Variants in PGGHG observed in about 807,000 individuals in gnomAD.
The protein encoded by PGGHG is protein-glucosylgalactosylhydroxylysine glucosidase.
A neutral mutation model predicts 74.5 loss-of-function variants in PGGHG; 67 were observed. That is an observed-to-expected ratio of 0.90 (90% confidence interval 0.74 to 1.10). The LOEUF is 1.10. Ranked by LOEUF, PGGHG falls within the 50% of genes least tolerant of loss-of-function variation. The pLI, the probability that PGGHG is intolerant of heterozygous loss-of-function variation, is 0.00. For missense variants in PGGHG, 1,034 were observed against 981.5 expected (o/e 1.05, Z -0.72); for synonymous variants, 496 against 419.9 (o/e 1.18, Z -2.21).
chr11:290,895 G>A lies in PGGHG; in HGVS notation c.688G>A (p.Ala230Thr). 1 of 1,611,898 alleles carries A rather than the reference G, an allele frequency of 6.2e-7. No homozygotes were observed. The highest frequency in any genetic ancestry group is 1.1e-5 in the South Asian group (1 of 90,936). The change falls in exon 4 of 14, where the codon GCT becomes ACT. Residue 230 changes from alanine to threonine, a missense_variant. Coordinates refer to ENST00000409548, the MANE Select transcript of PGGHG (RefSeq NM_025092.5). Reference protein sequence around the residue: ...QLQARGALYTAHAQAWAQLWV... With the variant: ...QLQARGALYTTHAQAWAQLWV... ...GCAGGCCAGGGGAGCTCTGTATACG[G>A]CTCACGCACAGGCCTGGGCCCAGCT...
At chr11:290,293 G>A (rs747219726) in intron 2 of PGGHG, 97 bp from the exon 3 acceptor site, 183 of 1,400,350 alleles carry the variant, frequency 1.3e-4, no homozygotes, top group Non-Finnish European at 1.6e-4. Context: ...AGAGGGATCC[G>A]CCTCATTGTG....
Position 294,738 on chromosome 11 carries a change from G to T in PGGHG, c.2203G>T (p.Ala735Ser). 3 of 1,597,804 alleles carry T rather than the reference G, an allele frequency of 1.9e-6. No individual in the cohort carries two copies. The highest frequency in any genetic ancestry group is 2.6e-6 in the Non-Finnish European group (3 of 1,170,786). Residue 735 changes from alanine to serine, a missense_variant, in exon 14 of 14, where the codon GCC becomes TCC. Coordinates refer to ENST00000409548, the MANE Select transcript of PGGHG (RefSeq NM_025092.5). ...SPTESLTVDP[A>S]SE ...CACCGAGTCACTCACTGTGGACCCT[G>T]CCTCTGAATAATCAGGAACGGTGGC...
Position 291,098 on chromosome 11 carries a change from C to A in PGGHG, c.891C>A (p.His297Gln). 1 of 1,585,498 alleles carries A rather than the reference C, an allele frequency of 6.3e-7. No homozygotes were observed. The highest frequency in any genetic ancestry group is 8.6e-7 in the Non-Finnish European group (1 of 1,162,600). ...NGSREECYWG[H>Q]VFWDQDLWMF... ...GCCGTGAGGAATGCTACTGGGGCCACGTCTTCTGGGACCAGGTGAGCACTG... is the reference window on the plus strand; with the variant it reads ...GCCGTGAGGAATGCTACTGGGGCCAAGTCTTCTGGGACCAGGTGAGCACTG... The change falls in exon 4 of 14, where the codon CAC becomes CAA. Residue 297 changes from histidine to glutamine, a missense_variant. By Grantham distance (24) the His-to-Gln change is conservative. Coordinates refer to ENST00000409548, the MANE Select transcript of PGGHG (RefSeq NM_025092.5).
Position 291,506 on chromosome 11 carries a change from C to T in PGGHG, c.906+393C>T, listed in dbSNP as rs537580833. On this transcript the variant is annotated intron_variant, in intron 4 of 13. Transcript: ENST00000409548. ...AAGGCCTGTGGGGCTGCGTGGAGCC[C>T]GGTACTGGAGGCCGACGGGGGTGAC... The T allele has an allele frequency of 1.9e-3, 487 of 262,308 alleles. 2 individuals carry two copies. The highest frequency in any genetic ancestry group is 7.4e-3 in the African/African-American group (331 of 44,842). The allele number at this position is 262,308 out of a possible 1,614,324, so 16.2% of individuals were successfully genotyped here.
intron 6 of PGGHG, 35 bp from the exon 7 acceptor site, chr11:292,851 G>C: frequency 3.1e-6 from 5 of 1,613,266 alleles, no homozygotes; most frequent in Non-Finnish European, 4.2e-6. Flanking sequence ...AGAGTGACTG[G>C]GGCCCTGGCC....
chr11:292,742 T>A, intron 6 of PGGHG, 65 bp downstream of exon 6: 6 of 1,610,070 alleles, frequency 3.7e-6, no homozygotes, highest in Non-Finnish European at 5.1e-6. Context: ...CCCCCACTCC[T>A]CGTGGCTTCC....
chr11:293,628 G>T lies in PGGHG; in HGVS notation c.1515G>T (p.Leu505=), dbSNP rs567677129. 3 of 1,613,594 alleles carry T rather than the reference G, an allele frequency of 1.9e-6. No individual in the cohort carries two copies. In the South Asian group the frequency reaches 3.3e-5, roughly 18 times the overall value. ...TGAAGCAGGCAGACGTCGTGCTCCT[G>T]GGATACCCAGTCCCCTTCTCCCTGA... ...EVVKQADVVL[L]GYPVPFSLSP... The change falls in exon 10 of 14, where the codon CTG becomes CTT. Residue 505 remains leucine, a synonymous_variant. Coordinates refer to ENST00000409548, the MANE Select transcript of PGGHG (RefSeq NM_025092.5).
chr11:294,236 C>A, intron 12 of PGGHG, 31 bp from the exon 13 acceptor site: 1 of 1,593,166 alleles, frequency 6.3e-7, no homozygotes, highest in South Asian at 1.1e-5. Context: ...CATGCCCCCA[C>A]CTGCCACCTC....
Position 293,674 on chromosome 11 carries a change from A to T in PGGHG, c.1561A>T (p.Asn521Tyr). ...CCTGAGTCCTGATGTTCGCAGGAAA[A>T]ATCTGGAGATTTACGAGGCTGTGAC... The part of the protein sequence containing the change: ...FSLSPDVRRK[N>Y]LEIYEAVTSP... The change falls in exon 10 of 14, where the codon AAT (asparagine) becomes TAT (tyrosine). Residue 521 changes from asparagine to tyrosine, a missense_variant. Asn to Tyr is a moderately radical substitution (Grantham distance 143). Transcript: ENST00000409548. The T allele has an allele frequency of 6.2e-7, 1 of 1,613,200 alleles. No individual in the cohort carries two copies. The highest frequency in any genetic ancestry group is 8.5e-7 in the Non-Finnish European group (1 of 1,179,942).
chr11:294,558 C>T lies in PGGHG; in HGVS notation c.2023C>T (p.His675Tyr), dbSNP rs1424941236. The T allele has an allele frequency of 1.3e-6, 1 of 777,754 alleles. No individual in the cohort carries two copies. Among genetic ancestry groups the T allele is most frequent in the South Asian group, 2.7e-5 (1 of 37,366 alleles). 48.2% of individuals were successfully genotyped at this position (777,754 alleles called of 1,614,324 possible). A position where few individuals can be genotyped will look rare whatever the true frequency, so the allele number is the denominator to read the frequency against. ...CCAGGCTGCCTCTCTCCCTGCAGGA[C>T]ACAAGGTCTCCTTTCCCCGCTCGGC... Reference protein sequence around the residue: ...SQSRLSLLPGHKVSFPRSAGR... With the variant: ...SQSRLSLLPGYKVSFPRSAGR... The change falls in exon 14 of 14, where the codon CAC becomes TAC. Residue 675 changes from histidine to tyrosine, a missense_variant and splice_region_variant. His to Tyr is a moderately conservative substitution (Grantham distance 83, BLOSUM62 2). Transcript: ENST00000409548.
Position 289,984 on chromosome 11 carries a change from C to T in PGGHG, c.168C>T (p.Ala56=), listed in dbSNP as rs887418784. ...GGGCTGGCGGGGACACGCACCGGGCCATGCTGCCCAGCCCCCTCAACGTCC... is the reference window on the plus strand; with the variant it reads ...GGGCTGGCGGGGACACGCACCGGGCTATGCTGCCCAGCCCCCTCAACGTCC... ...YNGAGGDTHR[A]MLPSPLNVRL... The change falls in exon 2 of 14, where the codon GCC becomes GCT. Residue 56 remains alanine, a synonymous_variant. Transcript: ENST00000409548. The surrounding 1 kb of genome is among the most constrained non-coding windows in gnomAD (Gnocchi z 5.6). 5.8e-6 allele frequency: 9 copies of T among 1,549,358 alleles called. No homozygotes were observed. In the East Asian group the frequency reaches 2.2e-4, roughly 38 times the overall value.
At chr11:293,289 GC>G (rs1209285198) in intron 8 of PGGHG, 54 bp downstream of exon 8, 26 of 1,601,556 alleles carry the variant, frequency 1.6e-5, no homozygotes, top group Non-Finnish European at 2.2e-5. Context: ...CTGGAGACCT[GC>G]CCCGGTGCCC....
rs1438945483 is a variant in PGGHG, at chr11:293,104, C to T, written c.1271-59C>T. 21 of 1,613,792 alleles carry T rather than the reference C, an allele frequency of 1.3e-5. No homozygotes were observed. The African/African-American group carries it at 2.0e-4, about 15-fold the overall frequency. ...GTGCCAGCCCCACGCTGACCACCGG[C>T]GTGGAGGGAAGGCCTCTGAGACTCT... On this transcript the variant is annotated intron_variant, in intron 7 of 13. Transcript: ENST00000409548.
intron 6 of PGGHG, 88 bp from the exon 7 acceptor site, chr11:292,798 A>G (rs11602423): frequency 0.66 from 1,067,107 of 1,606,708 alleles, 362,030 homozygotes; most frequent in Non-Finnish European, 0.7. Context: ...AGGTGTCTCA[A>G]TGCCAGGCCT....
Position 294,317 on chromosome 11 carries a change from C to A in PGGHG, c.1859C>A (p.Ser620Tyr). Residue 620 changes from serine (S) to tyrosine (Y), a missense_variant, in exon 13 of 14, where the codon TCC (serine) becomes TAC (tyrosine). Ser to Tyr is a moderately radical substitution (Grantham distance 144). Coordinates refer to ENST00000409548, the MANE Select transcript of PGGHG (RefSeq NM_025092.5). ...GACCCTGTGTGTCTGTCGGGGATCT[C>A]CAGAGTGAGCGTCTCCGGCATCTTC... is the stretch of plus-strand genomic sequence containing the variant. ...TFDPVCLSGI[S>Y]RVSVSGIFYQ... 2 of 1,612,814 alleles carry A rather than the reference C, an allele frequency of 1.2e-6. No homozygotes were observed. Among genetic ancestry groups the A allele is most frequent in the Non-Finnish European group, 1.7e-6 (2 of 1,179,786 alleles).
chr11:291,761 G>GGC (rs1491308578), intron 4 of PGGHG: 1 of 598,594 alleles, frequency 1.7e-6, no homozygotes, highest in Non-Finnish European at 2.7e-6. Context: ...CGGCTGGGGA[G>GGC]GCGAAGTGTG....
Position 294,390 on chromosome 11 carries a change from C to T in PGGHG, c.1932C>T (p.Thr644=), listed in dbSNP as rs115543936. 57 of 1,612,984 alleles carry T rather than the reference C, an allele frequency of 3.5e-5. No individual in the cohort carries two copies. The Admixed American group carries it at 5.8e-4, about 17-fold the overall frequency. ...TCTCTTTTTCCGAGGACTCCGTGAC[C>T]GTGGAGGTCACAGCTCGAGCAGGGC... ...LNFSFSEDSV[T]VEVTARAGPW... Residue 644 remains threonine (T), a synonymous_variant, in exon 13 of 14, where the codon ACC becomes ACT. Coordinates refer to ENST00000409548, the MANE Select transcript of PGGHG (RefSeq NM_025092.5).
rs2095461989 is a variant in PGGHG, at chr11:291,130, C to T, written c.906+17C>T. 1 of 1,539,322 alleles carries T rather than the reference C, an allele frequency of 6.5e-7. No homozygotes were observed. Among genetic ancestry groups the T allele is most frequent in the South Asian group, 1.2e-5 (1 of 80,160 alleles). On this transcript the variant is annotated intron_variant, in intron 4 of 13. Transcript: ENST00000409548. ...TGGGACCAGGTGAGCACTGTACACC[C>T]AGCACCAGCCACACAGCAGGCGACA...
chr11:294,009 C>A, intron 11 of PGGHG, 84 bp downstream of exon 11: 1 of 1,579,880 alleles, frequency 6.3e-7, no homozygotes, highest in Non-Finnish European at 8.6e-7. Flanking sequence ...GCAGGGTGCA[C>A]CCCTGGAGCT....
Sources: allele counts gnomAD v4.1 joint callset, GRCh38; gene constraint gnomAD v4.1.1; non-coding constraint Gnocchi (gnomAD v3.1); transcripts MANE v1.5; gene names NCBI Gene and HGNC (gene_info 2026-07-23, HGNC 2026-07-21).